Variants in LRMDA observed in about 807,000 individuals in gnomAD.
LRMDA encodes leucine rich melanocyte differentiation associated.
Under a neutral mutation model 29.8 loss-of-function variants are expected in LRMDA, and 18 were observed. That is an observed-to-expected ratio of 0.60 (90% CI 0.42 to 0.90). LRMDA has a LOEUF of 0.90. LRMDA is among the 40% of genes least tolerant of loss of function. The pLI is 0.00. For synonymous variants in LRMDA, 125 were observed against 109.4 expected, an observed-to-expected ratio of 1.14 and a Z score of -0.89; for missense variants, 273 against 273.9, an observed-to-expected ratio of 1.00 and a Z score of 0.02.
At chr10:76,524,344 T>G (rs1843152611) in intron 6 of LRMDA, among the ~76,000 whole-genome samples, 1 of 152,218 alleles carries the variant, frequency 6.6e-6, no homozygotes, top group African/African-American at 2.4e-5. Flanking sequence ...GGGAGCCGTT[T>G]GGAGACGTGG....
chr10:76,253,913 A>T lies in LRMDA; in HGVS notation c.517-70488A>T, dbSNP rs889559612. On this transcript the variant is annotated intron_variant, in intron 5 of 6. Coordinates refer to ENST00000611255, the MANE Select transcript of LRMDA (RefSeq NM_001305581.2). ...CTTTTTTCTTTTTTACTTTTCACTC[A>T]TCAGTCTAGCCCAAGGATATAATTT... 6.9e-4 allele frequency among the ~76,000 whole-genome samples: 105 copies of T among 152,186 alleles called. 1 individual carries two copies. The highest frequency in any genetic ancestry group is 1.8e-4 in the Non-Finnish European group (12 of 68,014).
At chr10:76,346,428 A>G (rs1307781966) in intron 6 of LRMDA, 2 of 152,206 alleles carry the variant, frequency 1.3e-5, no homozygotes, top group African/African-American at 4.8e-5. Context: ...TTTCTTCTTC[A>G]GATTTAAATA....
At chr10:75,741,512 G>A (rs543843539) in intron 2 of LRMDA, among the ~76,000 whole-genome samples, 46 of 152,072 alleles carry the variant, frequency 3.0e-4, no homozygotes, top group African/African-American at 1.1e-3. Flanking sequence ...CTACCTGATT[G>A]GTAACCTTCA....
At chr10:76,094,571 C>T (rs796385314) in intron 5 of LRMDA, among the ~76,000 whole-genome samples, 1 of 151,456 alleles carries the variant, frequency 6.6e-6, no homozygotes, top group South Asian at 2.1e-4. Flanking sequence ...ATCATTATTC[C>T]AGGAAATTAT....
chr10:75,941,636 C>T (rs956790313), intron 2 of LRMDA, among the ~76,000 whole-genome samples: 1 of 152,086 alleles, frequency 6.6e-6, no homozygotes, highest in African/African-American at 2.4e-5. Context: ...GGTTGCCTAA[C>T]ATTGATTAGA....
intron 2 of LRMDA, among the ~76,000 whole-genome samples, chr10:75,473,468 T>A (rs1844751250): frequency 6.6e-6 from 1 of 152,216 alleles, no homozygotes; most frequent in Non-Finnish European, 1.5e-5. Flanking sequence ...TACATCAGGA[T>A]CTCCCAGAGC....
intron 2 of LRMDA, among the ~76,000 whole-genome samples, chr10:75,588,800 T>C (rs1052889101): frequency 2.6e-5 from 4 of 152,170 alleles, no homozygotes; most frequent in African/African-American, 7.2e-5. Context: ...TTTCTAAAAT[T>C]TTATATGTAT....
chr10:75,737,690 AGTT>A (rs1842782696), intron 2 of LRMDA, among the ~76,000 whole-genome samples: 1 of 152,190 alleles, frequency 6.6e-6, no homozygotes, highest in Non-Finnish European at 1.5e-5. Flanking sequence ...ACTCAGCCTA[AGTT>A]GGCTAGCTGT....
chr10:75,965,639 T>C (rs1000327668), intron 2 of LRMDA, among the ~76,000 whole-genome samples: 1 of 152,210 alleles, frequency 6.6e-6, no homozygotes, highest in Non-Finnish European at 1.5e-5. Flanking sequence ...GTGGTGCTGT[T>C]ATGGCTTGGC....
intron 2 of LRMDA, among the ~76,000 whole-genome samples, chr10:75,698,217 A>G (rs1842263008): frequency 6.6e-6 from 1 of 152,130 alleles, no homozygotes; most frequent in Non-Finnish European, 1.5e-5. Flanking sequence ...AGAGTAGTGC[A>G]GTGTGATCTA....
intron 2 of LRMDA, among the ~76,000 whole-genome samples, chr10:75,503,566 A>G (rs1845139389): frequency 6.6e-6 from 1 of 151,920 alleles, no homozygotes; most frequent in Non-Finnish European, 1.5e-5. Context: ...ATAAACCATG[A>G]CTATTGGTTT....
At chr10:75,787,363 TCACGTTTCATCA>T (rs1843488227) in intron 2 of LRMDA, among the ~76,000 whole-genome samples, 1 of 152,186 alleles carries the variant, frequency 6.6e-6, no homozygotes, top group South Asian at 2.1e-4. Flanking sequence ...CATTACCTGA[TCACGTTTCATCA>T]GTGAAACGGG....
chr10:75,570,836 CT>C (rs1476682782), intron 2 of LRMDA, among the ~76,000 whole-genome samples: 1 of 152,138 alleles, frequency 6.6e-6, no homozygotes, highest in Admixed American at 6.5e-5. Context: ...CTGAGAAGTC[CT>C]TTTTGGCCGT....
intron 5 of LRMDA, among the ~76,000 whole-genome samples, chr10:76,271,253 C>G (rs372111496): frequency 1.3e-5 from 2 of 152,168 alleles, no homozygotes; most frequent in Non-Finnish European, 2.9e-5. Flanking sequence ...ACAAAAAGTA[C>G]AAAAATTAGC....
chr10:75,898,608 C>G (rs565497136), intron 2 of LRMDA, among the ~76,000 whole-genome samples: 2 of 149,360 alleles, frequency 1.3e-5, no homozygotes, highest in Admixed American at 6.6e-5. Flanking sequence ...GCACTGCCCA[C>G]TGAAAAAAAA....
intron 6 of LRMDA, among the ~76,000 whole-genome samples, chr10:76,419,237 A>G (rs1318249510): frequency 6.6e-6 from 1 of 152,002 alleles, no homozygotes; most frequent in East Asian, 1.9e-4. Context: ...TGCTTCACCT[A>G]TTCTATCCCT....
At chr10:76,354,143 T>G (rs560704999) in intron 6 of LRMDA, among the ~76,000 whole-genome samples, 24 of 152,050 alleles carry the variant, frequency 1.6e-4, no homozygotes, top group Non-Finnish European at 2.6e-4. Context: ...GATATCCCCG[T>G]CCCACCCGAA....
At chr10:76,467,719 G>T (rs1013011321) in intron 6 of LRMDA, among the ~76,000 whole-genome samples, 2 of 152,144 alleles carry the variant, frequency 1.3e-5, no homozygotes, top group Non-Finnish European at 2.9e-5. Flanking sequence ...TCTGAGGCAT[G>T]CCTTGCTCGG....
chr10:75,680,367 A>G (rs1016237718), intron 2 of LRMDA, among the ~76,000 whole-genome samples: 1 of 152,218 alleles, frequency 6.6e-6, no homozygotes, highest in Non-Finnish European at 1.5e-5. Context: ...GAAGAAGGAA[A>G]GGGGGGATGG....
Sources: gnomAD v4.1 joint callset for allele counts (sites outside exome capture counted in the v4.1 genomes callset) on GRCh38, gnomAD v4.1.1 for gene constraint, MANE v1.5 for transcripts, NCBI Gene and HGNC (gene_info 2026-07-23, HGNC 2026-07-21) for gene names.